PSG2: variants seen among roughly 807,000 people sequenced by gnomAD.
PSG2 encodes pregnancy specific beta-1-glycoprotein 2.
A neutral mutation model predicts 36.2 loss-of-function variants in PSG2; 49 were observed. The ratio of observed to expected loss-of-function variants is 1.35; its 90% CI spans 1.08 to 1.72. The LOEUF (loss-of-function observed/expected upper bound fraction) is 1.72. Ranked by LOEUF, PSG2 falls within the 40% of genes most tolerant of loss-of-function variation. PSG2 has a pLI of 0.00. For synonymous variants in PSG2, 261 were observed against 155.6 expected, an observed-to-expected ratio of 1.68 and a Z score of -5.04; for missense variants, 605 against 407.2, an observed-to-expected ratio of 1.49 and a Z score of -4.18.
Position 43,066,787 on chromosome 19 carries a change from C to T in PSG2, c.965-187G>A, listed in dbSNP as rs188104032. Among the ~76,000 whole-genome samples, 29 of 151,590 alleles carry T rather than the reference C, an allele frequency of 1.9e-4. 1 individual carries two copies. In the East Asian group the frequency reaches 3.5e-3, roughly 18 times the overall value. ...TTTTTTTCCCTCTCACCATGTGTCTCGGTTGGTGATCAGTCCTCTGTCAAT... is the reference window on the plus strand; with the variant it reads ...TTTTTTTCCCTCTCACCATGTGTCTTGGTTGGTGATCAGTCCTCTGTCAAT... On this transcript the variant is annotated intron_variant, in intron 4 of 5. Transcript: ENST00000406487.
intron 4 of PSG2, among the ~76,000 whole-genome samples, chr19:43,070,332 G>C (rs1394101621): frequency 4.0e-5 from 6 of 151,636 alleles, no homozygotes; most frequent in Non-Finnish European, 8.8e-5. Context: ...GTTTGATCCA[G>C]CAATTCCACT....
intron 5 of PSG2, among the ~76,000 whole-genome samples, chr19:43,065,043 A>T (rs947006348): frequency 5.9e-5 from 9 of 151,514 alleles, no homozygotes; most frequent in African/African-American, 2.2e-4. Flanking sequence ...CACCGTGTTA[A>T]CCAGGATGGT....
Position 43,071,773 on chromosome 19 carries a change from C to T in PSG2, c.891G>A (p.Gly297=), listed in dbSNP as rs2122901597. ...AGTTACGAACAGAGCAAACATAGAGCCCGCTATGCTTTGTAGTAATTTGGG... is the reference window on the plus strand; with the variant it reads ...AGTTACGAACAGAGCAAACATAGAGTCCGCTATGCTTTGTAGTAATTTGGG... ...FIPQITTKHS[G]LYVCSVRNSA... is the part of the protein sequence containing the mutation. Residue 297 remains glycine, a synonymous_variant, in exon 4 of 6, where the codon GGG becomes GGA. Coordinates refer to ENST00000406487, the MANE Select transcript of PSG2 (RefSeq NM_031246.4). 2 of 1,612,646 alleles carry T rather than the reference C, an allele frequency of 1.2e-6. No individual in the cohort carries two copies. The highest frequency in any genetic ancestry group is 1.1e-5 in the South Asian group (1 of 91,036).
At chr19:43,079,702 G>C (rs1967944727) in intron 2 of PSG2, among the ~76,000 whole-genome samples, 1 of 151,698 alleles carries the variant, frequency 6.6e-6, no homozygotes, top group African/African-American at 2.4e-5. Flanking sequence ...CACTGATTCT[G>C]ACAGTTGAGG....
In PSG2 at chr19:43,075,401, T is replaced by C. The variant is rs759530084; in HGVS notation, c.662A>G (p.Asn221Ser). The change falls in exon 3 of 6, where the codon AAC becomes AGC. Residue 221 changes from asparagine to serine, a missense_variant. By Grantham distance (46) the Asn-to-Ser change is conservative. Transcript: ENST00000406487. ...GTCACTGCGGCTGGCACTCCCTGAG[T>C]TCCGTATTTCACATTCATAGGGTCC... The part of the protein sequence containing the change: ...TAGPYECEIR[N>S]SGSASRSDPV... 50 of 1,612,930 alleles carry C rather than the reference T, an allele frequency of 3.1e-5. No individual in the cohort carries two copies. The highest frequency in any genetic ancestry group is 4.0e-5 in the Non-Finnish European group (47 of 1,179,622).
chr19:43,072,815 G>A (rs546544463), intron 3 of PSG2, among the ~76,000 whole-genome samples: 2 of 151,894 alleles, frequency 1.3e-5, no homozygotes, highest in East Asian at 1.9e-4. Flanking sequence ...GAGGCCGCCT[G>A]CTCTGTCTTA....
At chr19:43,077,375 A>G (rs1372188819) in intron 2 of PSG2, among the ~76,000 whole-genome samples, 2 of 151,824 alleles carry the variant, frequency 1.3e-5, no homozygotes, top group Admixed American at 6.6e-5. Context: ...ATGTTAGTAA[A>G]TATAGAAAGA....
chr19:43,064,729 G>A (rs184333152), intron 5 of PSG2, 128 bp from the exon 6 acceptor site: 65 of 332,828 alleles, frequency 2.0e-4, no homozygotes, highest in African/African-American at 1.3e-3. Context: ...ATTTATTATG[G>A]TAAAGACACA....
chr19:43,081,294 G>A (rs777425638), intron 1 of PSG2, 48 bp from the exon 2 acceptor site: 6 of 1,573,150 alleles, frequency 3.8e-6, no homozygotes, highest in Non-Finnish European at 5.2e-6. Flanking sequence ...TATGTATTGG[G>A]GTGAAAAGAT....
chr19:43,066,495 A>G (rs1967740782), intron 5 of PSG2, 22 bp downstream of exon 5: 2 of 1,487,096 alleles, frequency 1.3e-6, no homozygotes, highest in South Asian at 1.1e-5. Flanking sequence ...AGGAACCAGG[A>G]TAAGAGAAAA....
intron 2 of PSG2, among the ~76,000 whole-genome samples, chr19:43,076,845 T>C (rs576248297): frequency 1.3e-5 from 2 of 151,694 alleles, no homozygotes; most frequent in South Asian, 2.1e-4. Context: ...TTTTGGAATA[T>C]TTGCCGTATA....
chr19:43,067,770 T>C (rs1967761199), intron 4 of PSG2, among the ~76,000 whole-genome samples: 1 of 151,404 alleles, frequency 6.6e-6, no homozygotes. Context: ...GCATTAAATC[T>C]TTAAAAGAAT....
At chr19:43,072,309 G>C (rs1367695997) in intron 3 of PSG2, 1 of 1,607,974 alleles carries the variant, frequency 6.2e-7, no homozygotes, top group Non-Finnish European at 8.5e-7. Flanking sequence ...TGGTCATTTG[G>C]ATTTAAGCTG....
intron 3 of PSG2, among the ~76,000 whole-genome samples, chr19:43,073,789 T>G (rs1967852676): frequency 3.3e-5 from 5 of 151,676 alleles, no homozygotes; most frequent in Admixed American, 2.6e-4. Context: ...GATTGAGTAT[T>G]TCTTATGCAT....
At chr19:43,071,975 C>A (rs771538123) in intron 3 of PSG2, 21 bp from the exon 4 acceptor site, 1 of 1,609,190 alleles carries the variant, frequency 6.2e-7, no homozygotes, top group Admixed American at 1.7e-5. Context: ...GAGAATAAAG[C>A]CACAGGTGAT....
At chr19:43,081,965 A>T (rs1568517709) in intron 1 of PSG2, 1 of 152,402 alleles carries the variant, frequency 6.6e-6, no homozygotes, top group African/African-American at 2.5e-5. Flanking sequence ...GTGGCCCCTG[A>T]TGATTAATCA....
At chr19:43,079,359 G>T (rs1030908583) in intron 2 of PSG2, among the ~76,000 whole-genome samples, 2 of 151,478 alleles carry the variant, frequency 1.3e-5, no homozygotes, top group Non-Finnish European at 2.9e-5. Flanking sequence ...GGGGCAAGAG[G>T]TAGTGGGGGG....
intron 4 of PSG2, among the ~76,000 whole-genome samples, chr19:43,067,554 C>A (rs974885290): frequency 6.6e-6 from 1 of 151,400 alleles, no homozygotes; most frequent in Non-Finnish European, 1.5e-5. Flanking sequence ...CACACAATAA[C>A]CCTGTCAGGT....
intron 5 of PSG2, 142 bp from the exon 6 acceptor site, chr19:43,064,743 C>T (rs567193727): frequency 2.5e-5 from 8 of 317,354 alleles, no homozygotes; most frequent in Non-Finnish European, 4.4e-5. Flanking sequence ...AGACACAGCT[C>T]ACATAGAAAT....
Sources: gnomAD v4.1 joint callset for allele counts (sites outside exome capture counted in the v4.1 genomes callset) on GRCh38, gnomAD v4.1.1 for gene constraint, MANE v1.5 for transcripts, NCBI Gene and HGNC (gene_info 2026-07-23, HGNC 2026-07-21) for gene names.